WWOX: variants seen among roughly 807,000 people sequenced by gnomAD.
WWOX encodes WW domain-containing oxidoreductase.
In WWOX, 69 loss-of-function variants were observed where a neutral mutation model predicts 46.2. That is an observed-to-expected ratio of 1.49 (90% CI 1.23 to 1.82). The LOEUF (loss-of-function observed/expected upper bound fraction) is 1.82, where lower values mean the gene tolerates loss of function less well. Ranked by LOEUF, WWOX falls within the 40% of genes most tolerant of loss-of-function variation. The pLI is 0.00. For missense variants in WWOX, 919 were observed against 542.6 expected, an observed-to-expected ratio of 1.69 and a Z score of -6.89; for synonymous variants, 359 against 202.6, an observed-to-expected ratio of 1.77 and a Z score of -6.56.
chr16:78,801,916 C>G (rs958551374), intron 8 of WWOX, among the ~76,000 whole-genome samples: 1 of 152,032 alleles, frequency 6.6e-6, no homozygotes, highest in Non-Finnish European at 1.5e-5. Context: ...TGGTGTAAAT[C>G]GCTTAACCTC....
At chr16:78,704,743 C>G (rs934741118) in intron 8 of WWOX, among the ~76,000 whole-genome samples, 2 of 152,072 alleles carry the variant, frequency 1.3e-5, no homozygotes, top group African/African-American at 4.8e-5. Context: ...TCTGGAAATG[C>G]TCTATTATTT....
chr16:78,290,639 G>T (rs994424140), intron 5 of WWOX, among the ~76,000 whole-genome samples: 1 of 151,852 alleles, frequency 6.6e-6, no homozygotes, highest in African/African-American at 2.4e-5. Context: ...AACTTGCCGT[G>T]TCGGACTTTA....
chr16:78,737,986 G>A (rs1323894915), intron 8 of WWOX, among the ~76,000 whole-genome samples: 1 of 152,154 alleles, frequency 6.6e-6, no homozygotes, highest in Non-Finnish European at 1.5e-5. Context: ...GAGTCCATGT[G>A]TTTTAACATA....
intron 6 of WWOX, among the ~76,000 whole-genome samples, chr16:78,390,967 C>T (rs1374015820): frequency 2.0e-5 from 3 of 152,192 alleles, no homozygotes; most frequent in African/African-American, 7.2e-5. Flanking sequence ...GCTCTGAGTT[C>T]CTGTGTGTAT....
intron 8 of WWOX, among the ~76,000 whole-genome samples, chr16:78,700,706 G>GC (rs2142293429): frequency 6.6e-6 from 1 of 152,252 alleles, no homozygotes; most frequent in Non-Finnish European, 1.5e-5. Flanking sequence ...TGAGCCTGTG[G>GC]CCACCTCATA....
intron 8 of WWOX, among the ~76,000 whole-genome samples, chr16:79,039,113 A>G (rs958126298): frequency 6.6e-6 from 1 of 152,150 alleles, no homozygotes; most frequent in Non-Finnish European, 1.5e-5. Context: ...AAAAAATTAA[A>G]GAAATGAAAG....
intron 8 of WWOX, among the ~76,000 whole-genome samples, chr16:78,877,144 T>C (rs2044249845): frequency 6.6e-6 from 1 of 152,194 alleles, no homozygotes; most frequent in Non-Finnish European, 1.5e-5. Context: ...ATCTGTTAAT[T>C]TAGTCAGACG....
chr16:78,536,325 G>C (rs1201665991), intron 8 of WWOX, among the ~76,000 whole-genome samples: 1 of 151,978 alleles, frequency 6.6e-6, no homozygotes, highest in Non-Finnish European at 1.5e-5. Flanking sequence ...CATGAGGACT[G>C]TATCCCTCCT....
chr16:78,706,743 T>G (rs1431511048), intron 8 of WWOX, among the ~76,000 whole-genome samples: 1 of 152,182 alleles, frequency 6.6e-6, no homozygotes, highest in Non-Finnish European at 1.5e-5. Context: ...ACTGACGCAA[T>G]TGGCACCTCA....
chr16:78,976,410 A>G (rs1478083771), intron 8 of WWOX, among the ~76,000 whole-genome samples: 1 of 152,124 alleles, frequency 6.6e-6, no homozygotes, highest in Non-Finnish European at 1.5e-5. Flanking sequence ...TCAGATTCGG[A>G]GCATGTGATG....
At chr16:78,921,719 C>G (rs1190993018) in intron 8 of WWOX, among the ~76,000 whole-genome samples, 2 of 152,116 alleles carry the variant, frequency 1.3e-5, no homozygotes, top group Non-Finnish European at 2.9e-5. Flanking sequence ...GAGTGTGTGT[C>G]TAAACTTCTC....
intron 8 of WWOX, among the ~76,000 whole-genome samples, chr16:78,634,209 T>C (rs561575928): frequency 6.6e-6 from 1 of 152,138 alleles, no homozygotes; most frequent in African/African-American, 2.4e-5. Flanking sequence ...TCCAGGAGAA[T>C]AGGAATGCCA....
intron 8 of WWOX, among the ~76,000 whole-genome samples, chr16:79,186,370 G>C (rs372839322): frequency 6.6e-6 from 1 of 152,124 alleles, no homozygotes; most frequent in Non-Finnish European, 1.5e-5. Flanking sequence ...TGCTCCTCTC[G>C]CTTCCGGTGG....
At chr16:78,429,920 A>T (rs1192539783) in intron 7 of WWOX, among the ~76,000 whole-genome samples, 1 of 152,184 alleles carries the variant, frequency 6.6e-6, no homozygotes, top group African/African-American at 2.4e-5. Context: ...ATGGACTCTC[A>T]TAAAAAAGCC....
In WWOX at chr16:78,482,442, C is replaced by T. The variant is rs183811974; in HGVS notation, c.1056+49690C>T. On this transcript the variant is annotated intron_variant, in intron 8 of 8. Transcript: ENST00000566780. ...TTCACCATGTTAGCCATGCTGGCCT[C>T]GAACTCCTCACTTCAGGTGATCTGA... Among the ~76,000 whole-genome samples, 29 of 152,244 alleles carry T rather than the reference C, an allele frequency of 1.9e-4. No individual in the cohort carries two copies. In the East Asian group the frequency reaches 4.1e-3, roughly 21 times the overall value.
intron 5 of WWOX, among the ~76,000 whole-genome samples, chr16:78,277,565 G>A (rs1427446643): frequency 6.6e-6 from 1 of 152,196 alleles, no homozygotes; most frequent in East Asian, 1.9e-4. Flanking sequence ...GGAGGGCACA[G>A]TGGGGAACCT....
At chr16:79,047,008 C>G (rs1184885471) in intron 8 of WWOX, among the ~76,000 whole-genome samples, 1 of 152,208 alleles carries the variant, frequency 6.6e-6, no homozygotes, top group Non-Finnish European at 1.5e-5. Context: ...AATAAAGCAA[C>G]TGACCTTTTA....
rs201175839 is a variant in WWOX at position 78,428,630 on chromosome 16, A to C, written c.791+3575A>C. On this transcript the variant is annotated intron_variant, in intron 7 of 8. Transcript: ENST00000566780. ...AGAAGAAATGACTTTCTCCTCTTAG[A>C]CATTTAATTCACTTAGTGTTCCCTA... Among the ~76,000 whole-genome samples the C allele has an allele frequency of 1.8e-4, 28 of 152,332 alleles. No homozygotes were observed. In the East Asian group the frequency reaches 5.4e-3, roughly 29 times the overall value.
rs528029597 is a variant in WWOX at position 78,545,604 on chromosome 16, A to T, written c.1056+112852A>T. On this transcript the variant is annotated intron_variant, in intron 8 of 8. Coordinates refer to ENST00000566780, the MANE Select transcript of WWOX (RefSeq NM_016373.4). ...ACCACAGTGATGCCCAGGAATAGTCATGGTTGGCGATTAAATAGCCATTGA... is the reference window on the plus strand; with the variant it reads ...ACCACAGTGATGCCCAGGAATAGTCTTGGTTGGCGATTAAATAGCCATTGA... 2.7e-4 allele frequency among the ~76,000 whole-genome samples: 41 copies of T among 152,320 alleles called. 1 individual carries two copies. Among genetic ancestry groups the T allele is most frequent in the African/African-American group, 9.6e-4 (40 of 41,556 alleles).
Sources: gnomAD v4.1 joint callset for allele counts (sites outside exome capture counted in the v4.1 genomes callset) on GRCh38, gnomAD v4.1.1 for gene constraint, MANE v1.5 for transcripts, NCBI Gene and HGNC (gene_info 2026-07-23, HGNC 2026-07-21) for gene names.